DAB1: variants seen among roughly 807,000 people sequenced by gnomAD.
DAB1 encodes DAB adaptor protein 1.
A neutral mutation model predicts 64.6 loss-of-function variants in DAB1; 15 were observed. The ratio of observed to expected loss-of-function variants is 0.23; its 90% CI spans 0.16 to 0.36. The LOEUF (loss-of-function observed/expected upper bound fraction) is 0.36. DAB1 is among the 10% of genes least tolerant of loss of function. DAB1 has a pLI of 1.00. For synonymous variants in DAB1, 235 were observed against 251.9 expected (o/e 0.93, Z 0.64); for missense variants, 596 against 706.7 (o/e 0.84, Z 1.78).
At chr1:57,463,067 G>T (rs957175259) in intron 7 of DAB1, among the ~76,000 whole-genome samples, 7 of 152,106 alleles carry the variant, frequency 4.6e-5, no homozygotes, top group Non-Finnish European at 8.8e-5. Flanking sequence ...CAAACATAAA[G>T]GTAGCAAGGG....
chr1:57,312,284 G>A (rs1674781297), intron 1 of DAB1, among the ~76,000 whole-genome samples: 1 of 151,918 alleles, frequency 6.6e-6, no homozygotes. Flanking sequence ...CCAAAGAGGG[G>A]ACACATAATT....
chr1:57,070,551 A>G (rs1336554772), intron 7 of DAB1, among the ~76,000 whole-genome samples: 1 of 152,192 alleles, frequency 6.6e-6, no homozygotes, highest in Non-Finnish European at 1.5e-5. Context: ...TTGGAGGGTC[A>G]GCTTGCCCCA....
intron 4 of DAB1, among the ~76,000 whole-genome samples, chr1:58,152,301 T>C (rs191167116): frequency 2.6e-5 from 4 of 152,132 alleles, no homozygotes; most frequent in Non-Finnish European, 4.4e-5. Context: ...GGGCAAGTAT[T>C]TGCCTAATAA....
intron 3 of DAB1, 55 bp downstream of exon 3, chr1:57,145,235 T>C: frequency 6.4e-7 from 1 of 1,563,882 alleles, no homozygotes; most frequent in Non-Finnish European, 8.8e-7. Flanking sequence ...TAATCACTTC[T>C]TTTCCTCATT....
chr1:57,882,243 A>G (rs1473844506), intron 1 of DAB1, among the ~76,000 whole-genome samples: 1 of 152,218 alleles, frequency 6.6e-6, no homozygotes, highest in African/African-American at 2.4e-5. Flanking sequence ...GCACACATCC[A>G]GCCTGTCCAC....
At chr1:58,521,581 T>A (rs1646265559) in intron 2 of DAB1, among the ~76,000 whole-genome samples, 2 of 152,042 alleles carry the variant, frequency 1.3e-5, no homozygotes, top group Admixed American at 1.3e-4. Flanking sequence ...AGGGGACATT[T>A]AAAAGATACA....
intron 1 of DAB1, among the ~76,000 whole-genome samples, chr1:57,380,169 A>G (rs1329542493): frequency 6.6e-6 from 1 of 152,178 alleles, no homozygotes; most frequent in Non-Finnish European, 1.5e-5. Flanking sequence ...GAAGTAGGTC[A>G]TATTATTTTC....
intron 5 of DAB1, chr1:58,080,177 C>T (rs1386949810): frequency 1.3e-5 from 2 of 152,190 alleles, no homozygotes; most frequent in Non-Finnish European, 2.9e-5. Context: ...ACTTCAGTGA[C>T]TTAATCAGTA....
intron 7 of DAB1, among the ~76,000 whole-genome samples, chr1:57,509,611 C>T (rs1314607127): frequency 6.6e-6 from 1 of 152,094 alleles, no homozygotes; most frequent in Non-Finnish European, 1.5e-5. Flanking sequence ...GAAGTGCCCC[C>T]AGCATTCTGT....
chr1:57,950,175 C>T (rs1376255479), intron 5 of DAB1, among the ~76,000 whole-genome samples: 4 of 152,114 alleles, frequency 2.6e-5, no homozygotes, highest in Admixed American at 6.5e-5. Context: ...GCCTCAGATG[C>T]TGGTTCTGCA....
intron 5 of DAB1, among the ~76,000 whole-genome samples, chr1:57,977,343 T>C (rs1451531429): frequency 6.6e-6 from 1 of 152,196 alleles, no homozygotes; most frequent in Non-Finnish European, 1.5e-5. Flanking sequence ...TCACCCTGAT[T>C]AATCCCTGTC....
At chr1:58,506,107 G>A (rs1312138467) in exon 3 of DAB1, 2 of 872,140 alleles carry the variant, frequency 2.3e-6, no homozygotes, top group African/African-American at 1.6e-5. Context: ...CCATGAGAAG[G>A]GTGTGTAGAT....
At chr1:58,366,916 T>C (rs1329978437) in intron 3 of DAB1, among the ~76,000 whole-genome samples, 2 of 152,220 alleles carry the variant, frequency 1.3e-5, no homozygotes, top group Admixed American at 6.5e-5. Flanking sequence ...TAGTACACAT[T>C]AATTGGTCAT....
intron 3 of DAB1, among the ~76,000 whole-genome samples, chr1:58,463,495 A>T (rs338254): frequency 0.87 from 132,772 of 152,236 alleles, 58,628 homozygotes; most frequent in African/African-American, 0.94. Flanking sequence ...CTTGCATGGC[A>T]GTGTGTAAAT....
chr1:57,600,213 G>A (rs147568653), intron 7 of DAB1, among the ~76,000 whole-genome samples: 2 of 152,282 alleles, frequency 1.3e-5, no homozygotes, highest in African/African-American at 4.8e-5. Context: ...GCAGACAGGA[G>A]CTACATCTGG....
At position 58,324,518 on chromosome 1, in the gene DAB1, A is replaced by T. The variant is rs192185062; in HGVS notation, n.309+18834T>A. On this transcript the variant is annotated intron_variant and non_coding_transcript_variant, in intron 4 of 20. Transcript: ENST00000485760. ...CATGGCACTCAGCAATTGGACCCCC[A>T]TCAGGCCATCCCCAGTTGAGCAAGC... Among the ~76,000 whole-genome samples, 76 of 152,244 alleles carry T rather than the reference A, an allele frequency of 5.0e-4. 2 individuals carry two copies. The highest frequency in any genetic ancestry group is 4.3e-3 in the Admixed American group (65 of 15,290).
chr1:57,050,125 G>T (rs1331711888), intron 9 of DAB1, among the ~76,000 whole-genome samples: 4 of 152,068 alleles, frequency 2.6e-5, no homozygotes, highest in Non-Finnish European at 2.9e-5. Context: ...TCCCTTGTTT[G>T]GTTTTTCCGC....
chr1:57,500,952 T>C (rs1644283212), intron 7 of DAB1, among the ~76,000 whole-genome samples: 1 of 152,218 alleles, frequency 6.6e-6, no homozygotes, highest in African/African-American at 2.4e-5. Context: ...CTTTAGTCTC[T>C]AAAACATAAA....
chr1:58,361,378 T>C (rs1644165509), intron 3 of DAB1, among the ~76,000 whole-genome samples: 1 of 152,236 alleles, frequency 6.6e-6, no homozygotes, highest in African/African-American at 2.4e-5. Context: ...AAGGACCGGC[T>C]TTCATTGTGT....
Sources: gnomAD v4.1 joint callset for allele counts (sites outside exome capture counted in the v4.1 genomes callset) on GRCh38, gnomAD v4.1.1 for gene constraint, MANE v1.5 for transcripts, NCBI Gene and HGNC (gene_info 2026-07-23, HGNC 2026-07-21) for gene names.